The following SPTB variants were observed in gnomAD, a reference collection of about 807,000 sequenced individuals.
SPTB encodes spectrin beta, erythrocytic.
A neutral mutation model predicts 256.2 loss-of-function variants in SPTB; 45 were observed. The observed-to-expected ratio is 0.18, with a 90% CI of 0.14 to 0.23. The LOEUF (loss-of-function observed/expected upper bound fraction) is 0.23. Ranked by LOEUF, SPTB falls within the 10% of genes least tolerant of loss-of-function variation. The pLI, the probability that SPTB is intolerant of heterozygous loss-of-function variation, is 1.00. For synonymous variants in SPTB, 1,231 were observed against 1,243.1 expected (o/e 0.99, Z 0.21); for missense variants, 2,715 against 3,040.4 (o/e 0.89, Z 2.52).
In SPTB at chr14:64,852,384, G is replaced by A. The variant is rs752051249; in HGVS notation, c.-52+27408C>T. Among the ~76,000 whole-genome samples the A allele has an allele frequency of 1.3e-5, 2 of 152,166 alleles. No individual in the cohort carries two copies. The highest frequency in any genetic ancestry group is 2.9e-5 in the Non-Finnish European group (2 of 68,018). ...AGATAAGGCTGGGGGCCAGACAAGGGGAACCTGAGCAGTGGGGAGTCAGTG... is the reference window on the plus strand; with the variant it reads ...AGATAAGGCTGGGGGCCAGACAAGGAGAACCTGAGCAGTGGGGAGTCAGTG... On this transcript the variant is annotated intron_variant, in intron 1 of 35. Coordinates refer to ENST00000644917, the MANE Select transcript of SPTB (RefSeq NM_001355436.2). This position sits in a 1 kb window ranked among gnomAD's most constrained non-coding sequence, Gnocchi z 4.2.
chr14:64,829,432 T>C (rs2083417459), intron 1 of SPTB, among the ~76,000 whole-genome samples: 1 of 152,174 alleles, frequency 6.6e-6, no homozygotes, highest in African/African-American at 2.4e-5. Context: ...AAAAACCACA[T>C]TTTTGAGGCA....
At chr14:64,809,517 T>C (rs1041630369) in intron 2 of SPTB, among the ~76,000 whole-genome samples, 2 of 151,962 alleles carry the variant, frequency 1.3e-5, no homozygotes, top group African/African-American at 4.8e-5. Flanking sequence ...AGCTAATTTT[T>C]TATATTTTTA....
chr14:64,865,097 TTA>T (rs1187667330), intron 1 of SPTB, among the ~76,000 whole-genome samples: 2 of 152,008 alleles, frequency 1.3e-5, no homozygotes, highest in Non-Finnish European at 2.9e-5. Context: ...GCATCAGGTC[TTA>T]GAGAAAGGAC....
In SPTB at chr14:64,845,347, G is replaced by T. The variant is rs1469116111; in HGVS notation, c.-51-22202C>A. On this transcript the variant is annotated intron_variant, in intron 1 of 35. Coordinates refer to ENST00000644917, the MANE Select transcript of SPTB (RefSeq NM_001355436.2). This position sits in a 1 kb window ranked among gnomAD's most constrained non-coding sequence, Gnocchi z 4.8. The stretch of plus-strand genomic sequence containing the variant: ...CAAACATTATAAACACAGATGTAAA[G>T]CTCATGAATACAGAACAGATACTGG... Among the ~76,000 whole-genome samples the T allele has an allele frequency of 6.6e-6, 1 of 152,214 alleles. No homozygotes were observed. The highest frequency in any genetic ancestry group is 1.5e-5 in the Non-Finnish European group (1 of 68,046).
At chr14:64,862,766 T>C (rs890152227) in intron 1 of SPTB, among the ~76,000 whole-genome samples, 1 of 151,708 alleles carries the variant, frequency 6.6e-6, no homozygotes, top group Non-Finnish European at 1.5e-5. Context: ...TCCCAGCTAC[T>C]AGAGAGGCTG....
At chr14:64,836,431 G>C (rs1274489642) in intron 1 of SPTB, among the ~76,000 whole-genome samples, 2 of 151,964 alleles carry the variant, frequency 1.3e-5, no homozygotes, top group African/African-American at 4.8e-5. Flanking sequence ...TTGCCCCAGG[G>C]TATTATTTAC....
At chr14:64,800,662 C>A (rs554671351) in intron 8 of SPTB, 94 bp downstream of exon 8, 2 of 1,121,758 alleles carry the variant, frequency 1.8e-6, no homozygotes, top group Admixed American at 3.7e-5. Flanking sequence ...GTGAGCTGTA[C>A]TCTTCACCCT....
At chr14:64,769,849 C>A in intron 27 of SPTB, 121 bp from the exon 28 acceptor site, 1 of 1,397,014 alleles carries the variant, frequency 7.2e-7, no homozygotes. Flanking sequence ...TCCCTCCTCT[C>A]TCTCTGGCCA....
chr14:64,812,045 TTTGA>T (rs2083099337), intron 2 of SPTB, among the ~76,000 whole-genome samples: 1 of 152,246 alleles, frequency 6.6e-6, no homozygotes, highest in African/African-American at 2.4e-5. Flanking sequence ...TTTAAAATCT[TTTGA>T]TTATTTTTTA....
chr14:64,760,536 G>A lies in SPTB; in HGVS notation c.6345+6190C>T, dbSNP rs1171731150. ...TCTTCTCTCTAAAGGTAACACCAGTGAGAACCAGGGCCTGAGGATGCACCC... is the reference window on the plus strand; with the variant it reads ...TCTTCTCTCTAAAGGTAACACCAGTAAGAACCAGGGCCTGAGGATGCACCC... On this transcript the variant is annotated intron_variant, in intron 32 of 35. Coordinates refer to ENST00000644917, the MANE Select transcript of SPTB (RefSeq NM_001355436.2). The surrounding 1 kb of genome is among the most constrained non-coding windows in gnomAD (Gnocchi z 4.3). Among the ~76,000 whole-genome samples, 3 of 152,218 alleles carry A rather than the reference G, an allele frequency of 2.0e-5. No homozygotes were observed. The highest frequency in any genetic ancestry group is 4.4e-5 in the Non-Finnish European group (3 of 68,040).
Position 64,785,887 on chromosome 14 carries a change from T to A in SPTB, c.3626A>T (p.Lys1209Met), listed in dbSNP as rs752722915. 1.4e-5 allele frequency: 23 copies of A among 1,613,980 alleles called. No individual in the cohort carries two copies. In the South Asian group the frequency reaches 2.5e-4, roughly 18 times the overall value. The change falls in exon 17 of 36, where the codon AAG becomes ATG. Residue 1209 changes from lysine (K) to methionine (M), a missense_variant. Lys to Met is a moderately conservative substitution (Grantham distance 95). Around this residue, in one of 4 missense-constraint regions of SPTB, gnomAD observed 2,239 missense variants for 2,384.4 expected, o/e 0.94. Transcript: ENST00000644917. The surrounding 1 kb of genome is among the most constrained non-coding windows in gnomAD (Gnocchi z 4.4). ...CATAGACCCCAAGAAATCCTCAAAC[T>A]TCCGGATCCCAGCCTCTGCAGCTTC... Reference protein sequence around the residue: ...SLEAAEAGIRKFEDFLGSMEN... With the variant: ...SLEAAEAGIRMFEDFLGSMEN...
chr14:64,875,365 T>C (rs1328782838), intron 1 of SPTB, among the ~76,000 whole-genome samples: 2 of 152,254 alleles, frequency 1.3e-5, no homozygotes, highest in African/African-American at 4.8e-5. Flanking sequence ...ATCACTTGGC[T>C]GTGAATTAAG....
Position 64,866,436 on chromosome 14 carries a change from G to A in SPTB, c.-52+13356C>T, listed in dbSNP as rs1882186512. ...TTGTCCCCTGCCCTTCTTTATCCCA[G>A]GCACATCTTGCCAAGGCCTTTGAGG... On this transcript the variant is annotated intron_variant, in intron 1 of 35. Coordinates refer to ENST00000644917, the MANE Select transcript of SPTB (RefSeq NM_001355436.2). The surrounding 1 kb of genome is among the most constrained non-coding windows in gnomAD (Gnocchi z 4.6). 6.6e-6 allele frequency among the ~76,000 whole-genome samples: 1 copy of A among 152,104 alleles called. No homozygotes were observed. Among genetic ancestry groups the A allele is most frequent in the Non-Finnish European group, 1.5e-5 (1 of 68,022 alleles).
chr14:64,875,262 T>C (rs770646593), intron 1 of SPTB, among the ~76,000 whole-genome samples: 5 of 152,236 alleles, frequency 3.3e-5, no homozygotes, highest in Non-Finnish European at 5.9e-5. Flanking sequence ...TTTCTGTCTA[T>C]GACCACCTCT....
chr14:64,795,246 AG>A lies in SPTB; in HGVS notation c.1644+90del. On this transcript the variant is annotated intron_variant, in intron 12 of 35. Coordinates refer to ENST00000644917, the MANE Select transcript of SPTB (RefSeq NM_001355436.2). The surrounding 1 kb of genome is among the most constrained non-coding windows in gnomAD (Gnocchi z 6.5). ...TGACTCAGAGATATGACTGGCTGGGAGGTGTCTAAGGAAGCCTATGCTAACT... is the reference window on the plus strand; with the variant it reads ...TGACTCAGAGATATGACTGGCTGGGAGTGTCTAAGGAAGCCTATGCTAACT... The A allele has an allele frequency of 7.0e-7, 1 of 1,422,970 alleles. No individual in the cohort carries two copies. The highest frequency in any genetic ancestry group is 9.6e-7 in the Non-Finnish European group (1 of 1,037,874). 88.1% of individuals were successfully genotyped at this position (1,422,970 alleles called of 1,614,324 possible). A position where few individuals can be genotyped will look rare whatever the true frequency, so the allele number is the denominator to read the frequency against.
intron 10 of SPTB, 49 bp downstream of exon 10, chr14:64,797,680 G>A (rs750642551): frequency 1.5e-6 from 2 of 1,374,690 alleles, no homozygotes; most frequent in Non-Finnish European, 2.1e-6. Context: ...GTCCTTATCG[G>A]GAATTCAATC....
At chr14:64,789,050 A>G (rs961421937) in intron 15 of SPTB, among the ~76,000 whole-genome samples, 5 of 152,208 alleles carry the variant, frequency 3.3e-5, no homozygotes, top group Non-Finnish European at 5.9e-5. Flanking sequence ...CACTAGGGAT[A>G]TGACAAAGAA....
chr14:64,827,230 A>C lies in SPTB; in HGVS notation c.-51-4085T>G, dbSNP rs1439743518. ...TCTCCATCCTCTAGTCCCCCAACAA[A>C]GTAAACAGCATCCTCTCCTCTTCCC... On this transcript the variant is annotated intron_variant, in intron 1 of 35. Coordinates refer to ENST00000644917, the MANE Select transcript of SPTB (RefSeq NM_001355436.2). The surrounding 1 kb of genome is among the most constrained non-coding windows in gnomAD (Gnocchi z 4.6). 2.0e-5 allele frequency among the ~76,000 whole-genome samples: 3 copies of C among 152,194 alleles called. No homozygotes were observed. Among genetic ancestry groups the C allele is most frequent in the African/African-American group, 7.2e-5 (3 of 41,450 alleles).
rs1184247664 is a variant in SPTB, at chr14:64,777,638, G to A, written c.4563+1519C>T. Among the ~76,000 whole-genome samples the A allele has an allele frequency of 6.6e-6, 1 of 152,194 alleles. No individual in the cohort carries two copies. The highest frequency in any genetic ancestry group is 1.5e-5 in the Non-Finnish European group (1 of 68,034). On this transcript the variant is annotated intron_variant, in intron 22 of 35. Transcript: ENST00000644917. The surrounding 1 kb of genome is among the most constrained non-coding windows in gnomAD (Gnocchi z 4.5). ...CAAATTATTAGGCTCTACCCCCAGA[G>A]CTTGATGCAGTAGGGATCTGGGGGT...
Sources: gnomAD v4.1 joint callset for allele counts (sites outside exome capture counted in the v4.1 genomes callset) on GRCh38, gnomAD v4.1.1 for gene constraint, gnomAD v4.1.1 regional missense constraint, Gnocchi (gnomAD v3.1) non-coding constraint, MANE v1.5 for transcripts, NCBI Gene and HGNC (gene_info 2026-07-23, HGNC 2026-07-21) for gene names.